SLC24A3: variants seen among roughly 807,000 people sequenced by gnomAD.
SLC24A3 encodes sodium/potassium/calcium exchanger 3.
In SLC24A3, 28 loss-of-function variants were observed where a neutral mutation model predicts 75.8. The ratio of observed to expected loss-of-function variants is 0.37; its 90% CI spans 0.27 to 0.51. SLC24A3 has a LOEUF of 0.51. Among genes scored for constraint, SLC24A3 ranks in the 20% least tolerant of loss-of-function variants. The probability of loss-of-function intolerance (pLI) is 0.94; values close to 1 mark genes in which losing one functional copy is unlikely to be tolerated. For synonymous variants in SLC24A3, 372 were observed against 334.1 expected, an observed-to-expected ratio of 1.11 and a Z score of -1.24; for missense variants, 663 against 847.8, an observed-to-expected ratio of 0.78 and a Z score of 2.71.
intron 2 of SLC24A3, among the ~76,000 whole-genome samples, chr20:19,285,591 AGACT>A (rs1983795817): frequency 6.6e-6 from 1 of 151,380 alleles, no homozygotes; most frequent in East Asian, 1.9e-4. Context: ...TGCATGAACA[AGACT>A]GACTGACCTC....
intron 3 of SLC24A3, among the ~76,000 whole-genome samples, chr20:19,523,913 T>G (rs2030149247): frequency 6.6e-6 from 1 of 152,156 alleles, no homozygotes; most frequent in Admixed American, 6.5e-5. Flanking sequence ...ACTCTGGGCA[T>G]TTTCTGGACC....
chr20:19,506,695 T>C (rs1422072423), intron 2 of SLC24A3, among the ~76,000 whole-genome samples: 4 of 152,118 alleles, frequency 2.6e-5, no homozygotes, highest in Non-Finnish European at 5.9e-5. Context: ...TCAGAATACT[T>C]AAGGTATTGG....
chr20:19,315,098 CT>C (rs1456476036), intron 2 of SLC24A3, among the ~76,000 whole-genome samples: 2 of 152,164 alleles, frequency 1.3e-5, no homozygotes, highest in Non-Finnish European at 2.9e-5. Flanking sequence ...TGCTCTGTTT[CT>C]GCTATTTTTG....
chr20:19,531,495 C>T lies in SLC24A3; in HGVS notation c.348+15931C>T, dbSNP rs182563448. The stretch of plus-strand genomic sequence containing the variant: ...TGGCAAGAGGTGTCTGGGGCCTTCC[C>T]CATACTCTCTAGAGTGTGGATTAAC... On this transcript the variant is annotated intron_variant, in intron 3 of 16. Coordinates refer to ENST00000328041, the MANE Select transcript of SLC24A3 (RefSeq NM_020689.4). Among the ~76,000 whole-genome samples the T allele has an allele frequency of 2.6e-5, 4 of 152,302 alleles. No homozygotes were observed. The East Asian group carries it at 7.7e-4, about 29-fold the overall frequency.
intron 2 of SLC24A3, among the ~76,000 whole-genome samples, chr20:19,477,469 T>A (rs1333853152): frequency 6.6e-6 from 1 of 152,232 alleles, no homozygotes; most frequent in Non-Finnish European, 1.5e-5. Flanking sequence ...GAGATTTTAA[T>A]AGCAGATAAA....
chr20:19,685,129 T>C lies in SLC24A3; in HGVS notation c.1092T>C (p.Tyr364=), dbSNP rs757414304. The C allele has an allele frequency of 6.2e-7, 1 of 1,613,422 alleles. No homozygotes were observed. The highest frequency in any genetic ancestry group is 8.5e-7 in the Non-Finnish European group (1 of 1,179,394). ...AAAGATTGATAAACAGCAGGGCTTA[T>C]ACCAACGGGGAATCTGAGGTGGCCA... ...ERQRLINSRA[Y]TNGESEVAIK... Residue 364 remains tyrosine (Y), a synonymous_variant, in exon 12 of 17, where the codon TAT becomes TAC. Coordinates refer to ENST00000328041, the MANE Select transcript of SLC24A3 (RefSeq NM_020689.4).
intron 1 of SLC24A3, among the ~76,000 whole-genome samples, chr20:19,264,454 A>G (rs1284930187): frequency 6.6e-6 from 1 of 151,726 alleles, no homozygotes; most frequent in East Asian, 2.0e-4. Context: ...AGCTTGACTC[A>G]CTCAAAAGTG....
Position 19,578,311 on chromosome 20 carries a change from T to G in SLC24A3, c.349-1689T>G, listed in dbSNP as rs567741293. Among the ~76,000 whole-genome samples, 88 of 151,722 alleles carry G rather than the reference T, an allele frequency of 5.8e-4. No individual in the cohort carries two copies. In the South Asian group the frequency reaches 0.018, roughly 31 times the overall value. On this transcript the variant is annotated intron_variant, in intron 3 of 16. Transcript: ENST00000328041. ...ATGCTTGCGTGTGTGTGCCTGTGGG[T>G]GTACTTTTCGTGTATGCATGCGTGT...
chr20:19,572,361 AG>A (rs1184718430), intron 3 of SLC24A3, among the ~76,000 whole-genome samples: 2 of 152,074 alleles, frequency 1.3e-5, no homozygotes, highest in African/African-American at 4.8e-5. Context: ...GAAGAAAAAA[AG>A]AAAAAAACAG....
chr20:19,369,835 A>T (rs974333009), intron 2 of SLC24A3, among the ~76,000 whole-genome samples: 3 of 152,132 alleles, frequency 2.0e-5, no homozygotes, highest in African/African-American at 7.2e-5. Flanking sequence ...GTGTCTTTTT[A>T]AAATTTTTTT....
chr20:19,271,596 A>G (rs1983331816), intron 1 of SLC24A3, among the ~76,000 whole-genome samples: 1 of 152,268 alleles, frequency 6.6e-6, no homozygotes, highest in Non-Finnish European at 1.5e-5. Context: ...CTAAAAGCCC[A>G]TCAACCAATG....
chr20:19,369,176 A>G (rs540860298), intron 2 of SLC24A3, among the ~76,000 whole-genome samples: 2 of 152,358 alleles, frequency 1.3e-5, no homozygotes, highest in South Asian at 4.1e-4. Context: ...AAAAAGTAGT[A>G]ACTTTGCAGT....
chr20:19,716,060 C>T (rs150322413), intron 15 of SLC24A3, among the ~76,000 whole-genome samples: 7 of 152,306 alleles, frequency 4.6e-5, no homozygotes, highest in African/African-American at 1.7e-4. Context: ...ATCAGAATCA[C>T]CTGGAGTTAA....
At chr20:19,375,408 G>A (rs576455910) in intron 2 of SLC24A3, among the ~76,000 whole-genome samples, 5 of 152,236 alleles carry the variant, frequency 3.3e-5, no homozygotes, top group East Asian at 3.9e-4. Context: ...ATCATGAACC[G>A]CACGGATCAG....
At chr20:19,676,274 A>T (rs1364145500) in intron 9 of SLC24A3, among the ~76,000 whole-genome samples, 1 of 152,170 alleles carries the variant, frequency 6.6e-6, no homozygotes, top group African/African-American at 2.4e-5. Flanking sequence ...CAGCGAACAC[A>T]TCCTCTCCTC....
intron 2 of SLC24A3, among the ~76,000 whole-genome samples, chr20:19,369,734 T>C (rs1985959409): frequency 6.6e-6 from 1 of 152,206 alleles, no homozygotes; most frequent in African/African-American, 2.4e-5. Context: ...GTCCTTGTTC[T>C]TAGGAAATAC....
rs1039281338 is a variant in SLC24A3 at position 19,641,146 on chromosome 20, A to G, written c.613-12916A>G. On this transcript the variant is annotated intron_variant, in intron 6 of 16. Coordinates refer to ENST00000328041, the MANE Select transcript of SLC24A3 (RefSeq NM_020689.4). ...TGGCTTCTGCCTGTTCTCTTGGGAC[A>G]CTTGCATTTGGAGCCTGAGCCCCCA... Among the ~76,000 whole-genome samples, 8 of 152,330 alleles carry G rather than the reference A, an allele frequency of 5.3e-5. No homozygotes were observed. The South Asian group carries it at 1.7e-3, about 32-fold the overall frequency.
At chr20:19,662,380 A>G (rs540865724) in intron 7 of SLC24A3, among the ~76,000 whole-genome samples, 2 of 152,390 alleles carry the variant, frequency 1.3e-5, no homozygotes, top group East Asian at 3.9e-4. Context: ...ACAGAGCACC[A>G]GGCAGGACCT....
At chr20:19,232,472 G>C (rs1341601151) in intron 1 of SLC24A3, among the ~76,000 whole-genome samples, 2 of 152,128 alleles carry the variant, frequency 1.3e-5, no homozygotes, top group African/African-American at 4.8e-5. Flanking sequence ...TCTCAGTCTG[G>C]TTGGCATTCT....
Sources: allele counts gnomAD v4.1 joint callset (sites outside exome capture counted in the v4.1 genomes callset), GRCh38; gene constraint gnomAD v4.1.1; transcripts MANE v1.5; gene names NCBI Gene and HGNC (gene_info 2026-07-23, HGNC 2026-07-21).